Variants in IGSF21 observed in about 807,000 individuals in gnomAD.
The protein encoded by IGSF21 is immunoglobin superfamily member 21.
In IGSF21, 28 loss-of-function variants were observed where a neutral mutation model predicts 46.8. The observed-to-expected ratio is 0.60, with a 90% CI of 0.44 to 0.82. The LOEUF (loss-of-function observed/expected upper bound fraction) is 0.82. IGSF21 is among the 40% of genes least tolerant of loss of function. The probability of loss-of-function intolerance (pLI) is 0.00; values close to 1 mark genes in which losing one functional copy is unlikely to be tolerated. For missense variants in IGSF21, 624 were observed against 665.5 expected, an observed-to-expected ratio of 0.94 and a Z score of 0.69; for synonymous variants, 284 against 273.6, an observed-to-expected ratio of 1.04 and a Z score of -0.38.
At chr1:18,212,690 C>T (rs1328678417) in intron 1 of IGSF21, among the ~76,000 whole-genome samples, 1 of 152,192 alleles carries the variant, frequency 6.6e-6, no homozygotes, top group Non-Finnish European at 1.5e-5. Flanking sequence ...GGGTCCTGGC[C>T]CCTCTGCTCA....
rs2085617460 is a variant in IGSF21, at chr1:18,322,855, A to T, written c.306-12037A>T. On this transcript the variant is annotated intron_variant, in intron 3 of 9. Coordinates refer to ENST00000251296, the MANE Select transcript of IGSF21 (RefSeq NM_032880.5). This position sits in a 1 kb window ranked among gnomAD's most constrained non-coding sequence, Gnocchi z 4.3. ...AGAGGCCTGGAGAGGAAGCCGGTGG[A>T]GAAGAGCGGGAGATGTCGGAATGGG... is the stretch of plus-strand genomic sequence containing the variant. Among the ~76,000 whole-genome samples, 1 of 152,098 alleles carries T rather than the reference A, an allele frequency of 6.6e-6. No homozygotes were observed. The highest frequency in any genetic ancestry group is 1.5e-5 in the Non-Finnish European group (1 of 68,014).
chr1:18,254,340 A>G (rs1320220920), intron 2 of IGSF21, among the ~76,000 whole-genome samples: 1 of 148,908 alleles, frequency 6.7e-6, no homozygotes, highest in African/African-American at 2.5e-5. Context: ...CTCTATCTGA[A>G]TACAGCGAAT....
intron 6 of IGSF21, among the ~76,000 whole-genome samples, chr1:18,369,986 A>T (rs577662510): frequency 3.5e-4 from 53 of 151,834 alleles, no homozygotes; most frequent in Non-Finnish European, 4.7e-4. Flanking sequence ...CAGACCCCTC[A>T]CCTTTTCCAC....
At chr1:18,251,929 A>T (rs2084845536) in intron 2 of IGSF21, among the ~76,000 whole-genome samples, 1 of 152,008 alleles carries the variant, frequency 6.6e-6, no homozygotes, top group Non-Finnish European at 1.5e-5. Context: ...TCTTATTTTA[A>T]TATCCTTTAT....
chr1:18,368,375 G>C (rs1384224717), intron 6 of IGSF21, among the ~76,000 whole-genome samples: 2 of 151,804 alleles, frequency 1.3e-5, no homozygotes, highest in East Asian at 3.9e-4. Context: ...GCTGGGCTTG[G>C]TGGTGTGTGC....
intron 1 of IGSF21, among the ~76,000 whole-genome samples, chr1:18,218,652 A>G (rs537272314): frequency 6.6e-6 from 1 of 152,358 alleles, no homozygotes; most frequent in African/African-American, 2.4e-5. Flanking sequence ...ACTGGGTAAT[A>G]CTTAAAAAGT....
At chr1:18,216,207 G>C (rs951487168) in intron 1 of IGSF21, among the ~76,000 whole-genome samples, 3 of 125,322 alleles carry the variant, frequency 2.4e-5, no homozygotes, top group Non-Finnish European at 3.8e-5. Context: ...AGAGGAGAAG[G>C]GTGTTCCAGG....
chr1:18,330,558 C>T (rs1250086750), intron 3 of IGSF21, among the ~76,000 whole-genome samples: 1 of 144,612 alleles, frequency 6.9e-6, no homozygotes, highest in Non-Finnish European at 1.5e-5. Flanking sequence ...GAGGAAGGGG[C>T]AGGGGCGTGG....
intron 2 of IGSF21, among the ~76,000 whole-genome samples, chr1:18,291,243 G>T (rs960022999): frequency 2.6e-5 from 4 of 152,106 alleles, no homozygotes; most frequent in African/African-American, 4.8e-5. Flanking sequence ...TCCCACTTCC[G>T]CATTCTTAGG....
At position 18,138,128 on chromosome 1, in the gene IGSF21, C is replaced by T. The variant is rs2124422743; in HGVS notation, c.70+29930C>T. Reference sequence around the variant, plus strand: ...AGGGTTGGGCTGAAGATAATGGGTTCGTAAGTGACAGGTGGGCTGAGCTGG... The same window carrying T: ...AGGGTTGGGCTGAAGATAATGGGTTTGTAAGTGACAGGTGGGCTGAGCTGG... On this transcript the variant is annotated intron_variant, in intron 1 of 9. Transcript: ENST00000251296. Among the ~76,000 whole-genome samples, 4 of 152,264 alleles carry T rather than the reference C, an allele frequency of 2.6e-5. No homozygotes were observed. In the South Asian group the frequency reaches 8.3e-4, roughly 32 times the overall value.
chr1:18,303,930 G>T (rs1291633436), intron 3 of IGSF21, among the ~76,000 whole-genome samples: 1 of 152,200 alleles, frequency 6.6e-6, no homozygotes, highest in Non-Finnish European at 1.5e-5. Flanking sequence ...GAGAGAACTT[G>T]AATTGTATTC....
chr1:18,177,954 C>T (rs897965429), intron 1 of IGSF21, among the ~76,000 whole-genome samples: 2 of 151,930 alleles, frequency 1.3e-5, no homozygotes, highest in Admixed American at 6.6e-5. Context: ...AAGGTGGGCA[C>T]GATGGGGCGA....
intron 2 of IGSF21, among the ~76,000 whole-genome samples, chr1:18,244,658 G>A (rs2084767241): frequency 6.6e-6 from 1 of 152,220 alleles, no homozygotes. Flanking sequence ...GGTGCTGGAT[G>A]CTGCCACAGA....
chr1:18,355,829 CTTTTT>C (rs61589417), intron 4 of IGSF21, among the ~76,000 whole-genome samples: 311 of 88,980 alleles, frequency 3.5e-3, no homozygotes, highest in Admixed American at 6.9e-3. Flanking sequence ...TGTCTAGACT[CTTTTT>C]TTTTTTTTTT....
intron 8 of IGSF21, 72 bp downstream of exon 8, chr1:18,377,064 A>G (rs1164237943): frequency 2.7e-6 from 4 of 1,489,226 alleles, no homozygotes; most frequent in Non-Finnish European, 3.6e-6. Flanking sequence ...TTTCCCCAGG[A>G]GGAAGAAGCA....
At chr1:18,172,133 A>C (rs1248007436) in intron 1 of IGSF21, among the ~76,000 whole-genome samples, 1 of 152,218 alleles carries the variant, frequency 6.6e-6, no homozygotes, top group Non-Finnish European at 1.5e-5. Context: ...TGGGCTGATT[A>C]ATTCATCAGC....
At chr1:18,304,209 C>T (rs1409978249) in intron 3 of IGSF21, among the ~76,000 whole-genome samples, 1 of 152,162 alleles carries the variant, frequency 6.6e-6, no homozygotes, top group Non-Finnish European at 1.5e-5. Flanking sequence ...GAAGAGGTGA[C>T]TGATGAAGAC....
intron 6 of IGSF21, 173 bp from the exon 7 acceptor site, chr1:18,376,137 A>T (rs2086278261): frequency 1.1e-5 from 7 of 649,688 alleles, no homozygotes; most frequent in Non-Finnish European, 1.1e-5. Context: ...GGCTTAGGGA[A>T]TATGTCTGAA....
At chr1:18,325,095 G>A (rs2085644659) in intron 3 of IGSF21, among the ~76,000 whole-genome samples, 2 of 152,198 alleles carry the variant, frequency 1.3e-5, no homozygotes, top group African/African-American at 4.8e-5. Flanking sequence ...AGAGTGCATC[G>A]CCATCTCTTT....
Sources: allele counts gnomAD v4.1 joint callset (sites outside exome capture counted in the v4.1 genomes callset), GRCh38; gene constraint gnomAD v4.1.1; non-coding constraint Gnocchi (gnomAD v3.1); transcripts MANE v1.5; gene names NCBI Gene and HGNC (gene_info 2026-07-23, HGNC 2026-07-21).